BIRC6: variants seen among roughly 807,000 people sequenced by gnomAD.
BIRC6 encodes dual E2 ubiquitin-conjugating enzyme/E3 ubiquitin-protein ligase BIRC6.
BIRC6 carries 98 observed loss-of-function variants against 503.3 expected under a neutral mutation model. The ratio of observed to expected loss-of-function variants is 0.19; its 90% confidence interval spans 0.17 to 0.23. The LOEUF is 0.23. Ranked by LOEUF, BIRC6 falls within the 10% of genes least tolerant of loss-of-function variation. The probability of loss-of-function intolerance (pLI) is 1.00; values close to 1 mark genes in which losing one functional copy is unlikely to be tolerated. For missense variants in BIRC6, 5,360 were observed against 5,806.0 expected, an observed-to-expected ratio of 0.92 and a Z score of 2.50; for synonymous variants, 2,240 against 2,078.7, an observed-to-expected ratio of 1.08 and a Z score of -2.11.
intron 22 of BIRC6, among the ~76,000 whole-genome samples, chr2:32,453,117 C>T (rs997271659): frequency 9.3e-5 from 14 of 151,310 alleles, no homozygotes; most frequent in Non-Finnish European, 1.9e-4. Context: ...TCCTTGCCTT[C>T]CCAAGCTGCA....
intron 10 of BIRC6, among the ~76,000 whole-genome samples, chr2:32,427,794 A>G (rs979777168): frequency 5.3e-5 from 8 of 151,872 alleles, no homozygotes; most frequent in African/African-American, 1.7e-4. Context: ...CTTTCTTTGC[A>G]TGTCTTGTAA....
chr2:32,587,262 C>CT (rs917556140), intron 66 of BIRC6, among the ~76,000 whole-genome samples: 53 of 152,276 alleles, frequency 3.5e-4, no homozygotes, highest in African/African-American at 1.3e-3. Flanking sequence ...TGGTGCGCGC[C>CT]TGTAGTCCCA....
At chr2:32,578,133 A>G (rs929357156) in intron 66 of BIRC6, among the ~76,000 whole-genome samples, 1 of 152,214 alleles carries the variant, frequency 6.6e-6, no homozygotes, top group Non-Finnish European at 1.5e-5. Flanking sequence ...GGTAAAGACT[A>G]ATAATGTTAC....
intron 59 of BIRC6, chr2:32,527,639 G>A (rs2056383942): frequency 6.6e-6 from 1 of 152,400 alleles, no homozygotes; most frequent in Non-Finnish European, 1.5e-5. Context: ...TGAACTGTGT[G>A]TGTGTGACTT....
rs543007469 is a variant in BIRC6 at position 32,404,908 on chromosome 2, C to T, written c.1419-1591C>T. Among the ~76,000 whole-genome samples the T allele has an allele frequency of 2.1e-3, 316 of 152,038 alleles. 3 individuals carry two copies. The highest frequency in any genetic ancestry group is 7.3e-3 in the African/African-American group (304 of 41,446). On this transcript the variant is annotated intron_variant, in intron 8 of 73. Coordinates refer to ENST00000421745, the MANE Select transcript of BIRC6 (RefSeq NM_016252.4). ...AATTCCTGGGCTCAAGCAGTCCTCC[C>T]TCCTTGTCCTCCCAAAGTGCTGGGA...
chr2:32,404,541 G>A (rs898459278), intron 8 of BIRC6, among the ~76,000 whole-genome samples: 3 of 151,628 alleles, frequency 2.0e-5, no homozygotes, highest in East Asian at 2.0e-4. Context: ...CTCAAACTCC[G>A]GGCCTCACGT....
chr2:32,550,042 T>G (rs913059378), intron 65 of BIRC6, among the ~76,000 whole-genome samples: 1 of 152,200 alleles, frequency 6.6e-6, no homozygotes, highest in African/African-American at 2.4e-5. Context: ...AGAAATGTGT[T>G]CTTTTCCTAA....
intron 65 of BIRC6, among the ~76,000 whole-genome samples, chr2:32,559,830 A>G (rs1172383907): frequency 1.3e-5 from 2 of 152,080 alleles, no homozygotes; most frequent in Non-Finnish European, 2.9e-5. Flanking sequence ...CCTGGCCAAC[A>G]TGGTGAAACC....
chr2:32,490,222 C>T, intron 43 of BIRC6, 71 bp downstream of exon 43: 1 of 1,316,902 alleles, frequency 7.6e-7, no homozygotes, highest in Non-Finnish European at 1.1e-6. Flanking sequence ...ATTCTTAAAA[C>T]AGAGTTTTCC....
At chr2:32,453,558 A>G (rs980765535) in intron 22 of BIRC6, among the ~76,000 whole-genome samples, 2 of 152,178 alleles carry the variant, frequency 1.3e-5, no homozygotes, top group African/African-American at 4.8e-5. Flanking sequence ...ACAGGAAACT[A>G]CCACTCATGT....
intron 1 of BIRC6, among the ~76,000 whole-genome samples, chr2:32,371,215 CAAAA>C (rs1179033406): frequency 2.4e-4 from 7 of 28,712 alleles, no homozygotes; most frequent in Admixed American, 5.2e-4. Flanking sequence ...GACCCTGTCT[CAAAA>C]AAAAAAAAAA....
chr2:32,368,643 G>A (rs2035318427), intron 1 of BIRC6, among the ~76,000 whole-genome samples: 1 of 151,998 alleles, frequency 6.6e-6, no homozygotes, highest in Admixed American at 6.6e-5. Context: ...TGGGATAAAT[G>A]AGAGCTTCCC....
At chr2:32,447,302 G>A (rs2046104664) in intron 21 of BIRC6, among the ~76,000 whole-genome samples, 2 of 149,706 alleles carry the variant, frequency 1.3e-5, no homozygotes, top group African/African-American at 2.4e-5. Context: ...CCGGGCAGAG[G>A]GGCTCCTCAC....
intron 1 of BIRC6, among the ~76,000 whole-genome samples, chr2:32,367,236 G>T (rs578042264): frequency 7.4e-4 from 113 of 152,180 alleles, no homozygotes; most frequent in African/African-American, 2.6e-3. Flanking sequence ...ACCAAGGTGG[G>T]TGGGTCACCT....
At chr2:32,524,852 G>A in intron 57 of BIRC6, 36 bp from the exon 58 acceptor site, 2 of 1,270,950 alleles carry the variant, frequency 1.6e-6, no homozygotes, top group Non-Finnish European at 2.1e-6. Flanking sequence ...TAATGATTTG[G>A]AAAAGCAGTG....
intron 57 of BIRC6, among the ~76,000 whole-genome samples, chr2:32,520,298 T>C (rs2055511941): frequency 6.6e-6 from 1 of 152,234 alleles, no homozygotes; most frequent in African/African-American, 2.4e-5. Flanking sequence ...TCACAATCGC[T>C]GTGTCTAATA....
chr2:32,400,986 C>T (rs780745124), intron 6 of BIRC6, among the ~76,000 whole-genome samples, 177 bp from the exon 7 acceptor site: 127 of 152,030 alleles, frequency 8.4e-4, no homozygotes, highest in Non-Finnish European at 1.6e-3. Context: ...AATTTGTAAA[C>T]GGTTGAACAT....
At position 32,464,819 on chromosome 2, in the gene BIRC6, G is replaced by A; in HGVS notation, c.5252G>A (p.Arg1751Lys). The A allele has an allele frequency of 6.2e-7, 1 of 1,603,108 alleles. No homozygotes were observed. The highest frequency in any genetic ancestry group is 8.5e-7 in the Non-Finnish European group (1 of 1,173,250). The change falls in exon 25 of 74, where the codon AGA (arginine) becomes AAA (lysine). Residue 1751 changes from arginine (R) to lysine (K), a missense_variant. By Grantham distance (26) the Arg-to-Lys change is conservative. Coordinates refer to ENST00000421745, the MANE Select transcript of BIRC6 (RefSeq NM_016252.4). ...AAHNKNSNKS[R>K]MNPLGSGLAL... The stretch of plus-strand genomic sequence containing the variant: ...CATAACAAAAATTCCAACAAGTCCA[G>A]AATGGTAAATTATGTTTTAAATAGG...
chr2:32,418,152 A>G (rs2042578571), intron 10 of BIRC6, among the ~76,000 whole-genome samples: 1 of 152,236 alleles, frequency 6.6e-6, no homozygotes, highest in South Asian at 2.1e-4. Flanking sequence ...AACTAGATTA[A>G]TTTAGAAAAT....
Sources: allele counts gnomAD v4.1 joint callset (sites outside exome capture counted in the v4.1 genomes callset), GRCh38; gene constraint gnomAD v4.1.1; transcripts MANE v1.5; gene names NCBI Gene and HGNC (gene_info 2026-07-23, HGNC 2026-07-21).